GMDS: variants seen among roughly 807,000 people sequenced by gnomAD.
GMDS encodes the protein GDP-mannose 4,6-dehydratase.
GMDS carries 20 observed loss-of-function variants against 49.9 expected under a neutral mutation model. The ratio of observed to expected loss-of-function variants is 0.40; its 90% CI spans 0.28 to 0.58. The LOEUF (loss-of-function observed/expected upper bound fraction) is 0.58, where lower values mean the gene tolerates loss of function less well. Among genes scored for constraint, GMDS ranks in the 20% least tolerant of loss-of-function variants. The pLI, the probability that GMDS is intolerant of heterozygous loss-of-function variation, is 0.42. For synonymous variants in GMDS, 177 were observed against 178.6 expected, an observed-to-expected ratio of 0.99 and a Z score of 0.07; for missense variants, 362 against 481.4, an observed-to-expected ratio of 0.75 and a Z score of 2.32.
chr6:2,163,945 G>T (rs1777535990), intron 1 of GMDS, among the ~76,000 whole-genome samples: 1 of 152,192 alleles, frequency 6.6e-6, no homozygotes, highest in African/African-American at 2.4e-5. Context: ...CATGTCTTCT[G>T]GACCCTCCCG....
At chr6:1,788,351 G>A (rs779468214) in intron 7 of GMDS, among the ~76,000 whole-genome samples, 4 of 152,306 alleles carry the variant, frequency 2.6e-5, no homozygotes, top group Non-Finnish European at 5.9e-5. Flanking sequence ...AAAAGCAATG[G>A]GACAAGAGTT....
chr6:1,794,042 G>A (rs1452701300), intron 7 of GMDS, among the ~76,000 whole-genome samples: 2 of 152,072 alleles, frequency 1.3e-5, no homozygotes, highest in African/African-American at 4.8e-5. Flanking sequence ...ACAAAGATTG[G>A]GTCAGTGAAT....
chr6:1,712,028 A>G (rs530634032), intron 9 of GMDS, among the ~76,000 whole-genome samples: 1 of 152,154 alleles, frequency 6.6e-6, no homozygotes, highest in East Asian at 1.9e-4. Context: ...ACTGCAGCCT[A>G]CTCTCTAACC....
intron 7 of GMDS, among the ~76,000 whole-genome samples, chr6:1,926,444 C>T (rs1019688137): frequency 2.0e-5 from 3 of 152,324 alleles, no homozygotes; most frequent in South Asian, 2.1e-4. Flanking sequence ...CACCATCACA[C>T]GCTCTGCGAG....
intron 6 of GMDS, among the ~76,000 whole-genome samples, chr6:1,941,447 T>C (rs374537676): frequency 6.6e-6 from 1 of 152,118 alleles, no homozygotes; most frequent in Non-Finnish European, 1.5e-5. Flanking sequence ...GGATAGTCTG[T>C]ATCCAGGAGG....
At chr6:1,818,209 C>T (rs943818352) in intron 7 of GMDS, among the ~76,000 whole-genome samples, 7 of 152,294 alleles carry the variant, frequency 4.6e-5, no homozygotes, top group South Asian at 4.1e-4. Flanking sequence ...ACCAGGTCAA[C>T]TAAAATGTGT....
intron 7 of GMDS, among the ~76,000 whole-genome samples, chr6:1,858,934 A>T (rs1758059889): frequency 6.6e-6 from 1 of 150,802 alleles, no homozygotes. Context: ...TAAAGGAGAA[A>T]TGGCCGTATC....
intron 7 of GMDS, among the ~76,000 whole-genome samples, chr6:1,812,810 C>T (rs533879898): frequency 6.6e-6 from 1 of 152,236 alleles, no homozygotes; most frequent in African/African-American, 2.4e-5. Flanking sequence ...ACAAAAGGCT[C>T]AGTTTGATGT....
At chr6:2,097,525 C>T (rs536515956) in intron 4 of GMDS, among the ~76,000 whole-genome samples, 3 of 152,274 alleles carry the variant, frequency 2.0e-5, no homozygotes, top group South Asian at 2.1e-4. Flanking sequence ...AGTAATAAAT[C>T]CACTGTTTTC....
At chr6:1,755,544 C>CAA (rs35489286) in intron 7 of GMDS, among the ~76,000 whole-genome samples, 3 of 151,822 alleles carry the variant, frequency 2.0e-5, no homozygotes, top group South Asian at 2.1e-4. Context: ...CATATGGAAC[C>CAA]AAAAAAATGC....
At chr6:1,896,626 G>T (rs776523853) in intron 7 of GMDS, among the ~76,000 whole-genome samples, 3 of 152,134 alleles carry the variant, frequency 2.0e-5, no homozygotes, top group Non-Finnish European at 4.4e-5. Context: ...ATGTGAGGCG[G>T]GAGCAGAGTC....
intron 9 of GMDS, among the ~76,000 whole-genome samples, chr6:1,687,629 G>C (rs1313956388): frequency 6.6e-6 from 1 of 152,154 alleles, no homozygotes; most frequent in Non-Finnish European, 1.5e-5. Flanking sequence ...AGGGCCCTTA[G>C]CCATGCAGCT....
intron 1 of GMDS, among the ~76,000 whole-genome samples, chr6:2,209,904 T>C (rs943025237): frequency 5.3e-5 from 8 of 152,054 alleles, no homozygotes; most frequent in Admixed American, 3.3e-4. Context: ...CACAGGAAGA[T>C]AGAACACACA....
intron 7 of GMDS, among the ~76,000 whole-genome samples, chr6:1,840,217 T>C (rs1757097089): frequency 6.6e-6 from 1 of 152,178 alleles, no homozygotes; most frequent in African/African-American, 2.4e-5. Flanking sequence ...AAGTGAATGC[T>C]ATTCTGTTGA....
intron 9 of GMDS, among the ~76,000 whole-genome samples, chr6:1,668,524 A>G (rs1448169079): frequency 1.3e-5 from 2 of 152,332 alleles, no homozygotes; most frequent in East Asian, 3.9e-4. Flanking sequence ...AGCTTGGCCA[A>G]CATGGTGAAA....
At chr6:1,686,312 C>G (rs888711493) in intron 9 of GMDS, among the ~76,000 whole-genome samples, 1 of 152,222 alleles carries the variant, frequency 6.6e-6, no homozygotes, top group African/African-American at 2.4e-5. Flanking sequence ...TATTTGTAAT[C>G]TGCACTTAAG....
rs539949537 is a variant in GMDS, at chr6:1,654,078, G to A, written c.988-29538C>T. Among the ~76,000 whole-genome samples, 3 of 152,198 alleles carry A rather than the reference G, an allele frequency of 2.0e-5. No individual in the cohort carries two copies. The East Asian group carries it at 5.8e-4, about 29-fold the overall frequency. On this transcript the variant is annotated intron_variant, in intron 9 of 10. Coordinates refer to ENST00000380815, the MANE Select transcript of GMDS (RefSeq NM_001500.4). ...AGATACCATCTCATACCCATTAGGAGGTTTACTATCAAAAAACCCAGAAAA... is the reference window on the plus strand; with the variant it reads ...AGATACCATCTCATACCCATTAGGAAGTTTACTATCAAAAAACCCAGAAAA...
intron 7 of GMDS, among the ~76,000 whole-genome samples, chr6:1,873,822 G>A (rs1186835928): frequency 1.3e-5 from 2 of 152,180 alleles, no homozygotes; most frequent in Non-Finnish European, 2.9e-5. Flanking sequence ...CTGTTTGGAT[G>A]GGGCCACAAT....
chr6:1,924,912 C>T (rs891464952), intron 7 of GMDS, among the ~76,000 whole-genome samples: 4 of 152,076 alleles, frequency 2.6e-5, no homozygotes, highest in East Asian at 1.9e-4. Flanking sequence ...TGGCCGAAAT[C>T]GCACCACTGC....
Sources: allele counts gnomAD v4.1 joint callset (sites outside exome capture counted in the v4.1 genomes callset), GRCh38; gene constraint gnomAD v4.1.1; transcripts MANE v1.5; gene names NCBI Gene and HGNC (gene_info 2026-07-23, HGNC 2026-07-21).